The following MIPOL1 variants were observed in gnomAD, a reference collection of about 807,000 sequenced individuals.
The protein encoded by MIPOL1 is mirror-image polydactyly gene 1 protein.
Under a neutral mutation model 60.9 loss-of-function variants are expected in MIPOL1, and 57 were observed. The observed-to-expected ratio is 0.94, with a 90% CI of 0.76 to 1.17. The LOEUF is 1.17. Among genes scored for constraint, MIPOL1 ranks in the 50% most tolerant of loss-of-function variants. The pLI, the probability that MIPOL1 is intolerant of heterozygous loss-of-function variation, is 0.00. For synonymous variants in MIPOL1, 179 were observed against 168.8 expected, an observed-to-expected ratio of 1.06 and a Z score of -0.47; for missense variants, 551 against 511.6, an observed-to-expected ratio of 1.08 and a Z score of -0.74.
At chr14:37,211,430 T>G (rs1966842522) in intron 1 of MIPOL1, among the ~76,000 whole-genome samples, 1 of 151,856 alleles carries the variant, frequency 6.6e-6, no homozygotes, top group South Asian at 2.1e-4. Flanking sequence ...ACAACAATTG[T>G]GAAACATTGA....
At chr14:37,499,628 A>G (rs1218163673) in intron 11 of MIPOL1, among the ~76,000 whole-genome samples, 1 of 152,218 alleles carries the variant, frequency 6.6e-6, no homozygotes, top group African/African-American at 2.4e-5. Flanking sequence ...CCTTTTAAAG[A>G]AAATTGAATG....
chr14:37,505,412 A>G (rs1164871016), intron 12 of MIPOL1: 2 of 152,352 alleles, frequency 1.3e-5, no homozygotes, highest in East Asian at 3.9e-4. Context: ...CACCATGATC[A>G]AGTCAGCTTC....
chr14:37,199,938 A>G (rs952800880), intron 1 of MIPOL1, among the ~76,000 whole-genome samples: 6 of 152,192 alleles, frequency 3.9e-5, no homozygotes, highest in African/African-American at 1.4e-4. Context: ...GTGTCAATTT[A>G]TACTTCAGTG....
At chr14:37,523,831 A>C (rs962737949) in intron 12 of MIPOL1, among the ~76,000 whole-genome samples, 1 of 152,194 alleles carries the variant, frequency 6.6e-6, no homozygotes, top group Admixed American at 6.5e-5. Context: ...AAAAATTCCT[A>C]GGAATGCTAG....
intron 6 of MIPOL1, among the ~76,000 whole-genome samples, chr14:37,280,175 T>C (rs1259841902): frequency 6.6e-6 from 1 of 152,196 alleles, no homozygotes; most frequent in Non-Finnish European, 1.5e-5. Context: ...TTTTAAAGGC[T>C]GTATTGTATT....
At chr14:37,230,947 CTCTA>C (rs926454752) in intron 1 of MIPOL1, among the ~76,000 whole-genome samples, 20 of 151,990 alleles carry the variant, frequency 1.3e-4, no homozygotes, top group African/African-American at 3.6e-4. Context: ...TTCCATATAT[CTCTA>C]TCTATCTATC....
intron 11 of MIPOL1, among the ~76,000 whole-genome samples, chr14:37,491,326 C>A (rs891618292): frequency 6.6e-6 from 1 of 152,128 alleles, no homozygotes; most frequent in Non-Finnish European, 1.5e-5. Context: ...ATCAGGAGAT[C>A]AAGATCATCT....
At chr14:37,225,710 A>G (rs1487563109) in intron 1 of MIPOL1, among the ~76,000 whole-genome samples, 1 of 151,550 alleles carries the variant, frequency 6.6e-6, no homozygotes, top group Non-Finnish European at 1.5e-5. Flanking sequence ...TGTCTTGGGG[A>G]TTAATATTTG....
chr14:37,217,451 G>A (rs553781658), intron 1 of MIPOL1, among the ~76,000 whole-genome samples: 1 of 152,170 alleles, frequency 6.6e-6, no homozygotes, highest in Non-Finnish European at 1.5e-5. Context: ...AAAAAAGAAA[G>A]CCACAGTCCA....
At chr14:37,289,250 G>A (rs1354259433) in intron 7 of MIPOL1, among the ~76,000 whole-genome samples, 1 of 152,162 alleles carries the variant, frequency 6.6e-6, no homozygotes, top group African/African-American at 2.4e-5. Flanking sequence ...GGCCAAATGT[G>A]TAGTTATTTC....
intron 3 of MIPOL1, among the ~76,000 whole-genome samples, chr14:37,251,656 C>T (rs1323029935): frequency 6.6e-6 from 1 of 151,420 alleles, no homozygotes; most frequent in Admixed American, 6.6e-5. Flanking sequence ...TTTGTACTTA[C>T]TTATATACAT....
intron 9 of MIPOL1, among the ~76,000 whole-genome samples, chr14:37,350,415 C>T (rs2091269794): frequency 2.0e-5 from 3 of 150,766 alleles, no homozygotes; most frequent in Admixed American, 2.0e-4. Context: ...TCTTTCTTTC[C>T]TATTTTTTTT....
At chr14:37,490,896 G>T (rs1437442441) in intron 11 of MIPOL1, among the ~76,000 whole-genome samples, 1 of 152,044 alleles carries the variant, frequency 6.6e-6, no homozygotes, top group African/African-American at 2.4e-5. Context: ...TTCCTATTTG[G>T]CCATCTTGCC....
intron 11 of MIPOL1, among the ~76,000 whole-genome samples, chr14:37,458,001 C>T (rs945695352): frequency 6.6e-6 from 1 of 151,490 alleles, no homozygotes; most frequent in Non-Finnish European, 1.5e-5. Flanking sequence ...ATATACCATA[C>T]AGATGGAAAA....
chr14:37,216,550 A>C (rs772792314), intron 1 of MIPOL1, among the ~76,000 whole-genome samples: 11 of 152,256 alleles, frequency 7.2e-5, no homozygotes, highest in Non-Finnish European at 1.6e-4. Context: ...ACAAGTCTTC[A>C]GACATTCAGA....
At chr14:37,276,217 T>G (rs921642462) in intron 6 of MIPOL1, 1 of 151,110 alleles carries the variant, frequency 6.6e-6, no homozygotes, top group Non-Finnish European at 1.5e-5. Flanking sequence ...ATTTTTCTCT[T>G]TAAACATAGA....
intron 1 of MIPOL1, among the ~76,000 whole-genome samples, chr14:37,216,751 CAACAT>C (rs1459722583): frequency 1.3e-5 from 2 of 151,924 alleles, no homozygotes; most frequent in Non-Finnish European, 2.9e-5. Context: ...AATGGAAACA[CAACAT>C]AACAAAACCT....
intron 8 of MIPOL1, 105 bp from the exon 9 acceptor site, chr14:37,308,244 T>A: frequency 8.3e-7 from 1 of 1,200,376 alleles, no homozygotes; most frequent in South Asian, 1.7e-5. Flanking sequence ...TTCAATAACT[T>A]CACTCAGTCA....
intron 9 of MIPOL1, among the ~76,000 whole-genome samples, chr14:37,337,400 G>T (rs778645586): frequency 2.0e-5 from 2 of 99,748 alleles, no homozygotes; most frequent in Non-Finnish European, 3.5e-5. Flanking sequence ...ACAGAGTCTC[G>T]CAATGTCACC....
Sources: allele counts gnomAD v4.1 joint callset (sites outside exome capture counted in the v4.1 genomes callset), GRCh38; gene constraint gnomAD v4.1.1; transcripts MANE v1.5; gene names NCBI Gene and HGNC (gene_info 2026-07-23, HGNC 2026-07-21).